The following RALYL variants were observed in gnomAD, a reference collection of about 807,000 sequenced individuals.
The protein encoded by RALYL is RNA-binding Raly-like protein.
In RALYL, 29 loss-of-function variants were observed where a neutral mutation model predicts 35.1. The observed-to-expected ratio is 0.83, with a 90% CI of 0.61 to 1.13. The LOEUF (loss-of-function observed/expected upper bound fraction) is 1.13. Ranked by LOEUF, RALYL falls within the 50% of genes most tolerant of loss-of-function variation. RALYL has a pLI of 0.00. For synonymous variants in RALYL, 120 were observed against 127.6 expected, an observed-to-expected ratio of 0.94 and a Z score of 0.40; for missense variants, 359 against 360.4, an observed-to-expected ratio of 1.00 and a Z score of 0.03.
rs1242172402 is a variant in RALYL, at chr8:84,619,677, A to T, written c.256+90100A>T. On this transcript the variant is annotated intron_variant, in intron 2 of 8. Transcript: ENST00000521268. ...ATTTTGCTCGTTAGTTGATGCAGTT[A>T]CTTCCTAGTCTCGATGGTCTTTACA... Among the ~76,000 whole-genome samples the T allele has an allele frequency of 1.7e-3, 261 of 149,318 alleles. 2 individuals carry two copies. Among genetic ancestry groups the T allele is most frequent in the Non-Finnish European group, 2.7e-3 (182 of 67,422 alleles).
chr8:84,358,946 G>T (rs147619183), intron 1 of RALYL, among the ~76,000 whole-genome samples: 2 of 151,920 alleles, frequency 1.3e-5, no homozygotes, highest in African/African-American at 4.8e-5. Context: ...AGTACTTTAC[G>T]CATTAGGTGA....
chr8:84,425,027 G>T (rs1360288104), intron 1 of RALYL, among the ~76,000 whole-genome samples: 1 of 152,160 alleles, frequency 6.6e-6, no homozygotes, highest in Non-Finnish European at 1.5e-5. Flanking sequence ...TGCCCCCAGA[G>T]GTGGAGCCTA....
At chr8:84,540,904 A>G (rs1227314623) in intron 2 of RALYL, among the ~76,000 whole-genome samples, 1 of 152,062 alleles carries the variant, frequency 6.6e-6, no homozygotes, top group African/African-American at 2.4e-5. Flanking sequence ...GTTTTCAAAA[A>G]AAAGTGTACA....
chr8:84,614,406 AG>A (rs1021593457), intron 2 of RALYL, among the ~76,000 whole-genome samples: 1 of 151,738 alleles, frequency 6.6e-6, no homozygotes, highest in Non-Finnish European at 1.5e-5. Flanking sequence ...AGAATCTAGA[AG>A]GACACATAAG....
intron 2 of RALYL, among the ~76,000 whole-genome samples, chr8:84,604,804 C>T (rs1449456012): frequency 2.0e-5 from 3 of 151,956 alleles, no homozygotes; most frequent in Non-Finnish European, 2.9e-5. Context: ...TTTTAGAAGA[C>T]GAAGAATGCT....
intron 1 of RALYL, among the ~76,000 whole-genome samples, chr8:84,209,685 G>A (rs12375329): frequency 0.23 from 35,049 of 152,046 alleles, 4,158 homozygotes; most frequent in Non-Finnish European, 0.27. Flanking sequence ...AAATCTATGT[G>A]TTAGAAGTCC....
At chr8:84,864,600 T>A in intron 6 of RALYL, 1 of 250,702 alleles carries the variant, frequency 4.0e-6, no homozygotes. Context: ...TCCTAAGGAT[T>A]AAATCTAAGC....
intron 2 of RALYL, among the ~76,000 whole-genome samples, chr8:84,552,807 A>T (rs1179839955): frequency 6.6e-6 from 1 of 152,002 alleles, no homozygotes; most frequent in Non-Finnish European, 1.5e-5. Flanking sequence ...CCAGCCTCAA[A>T]TTTAAAATAT....
intron 8 of RALYL, among the ~76,000 whole-genome samples, chr8:84,903,158 C>T (rs926272223): frequency 2.6e-5 from 4 of 152,188 alleles, no homozygotes; most frequent in African/African-American, 9.6e-5. Context: ...TCAAGACACT[C>T]TTTTGAGGAA....
chr8:84,862,215 A>C, intron 5 of RALYL, 81 bp from the exon 6 acceptor site: 1 of 1,171,562 alleles, frequency 8.5e-7, no homozygotes, highest in Non-Finnish European at 1.1e-6. Flanking sequence ...TTCTACCAGG[A>C]CATTCTGTTC....
At chr8:84,809,971 T>G (rs1174878670) in intron 4 of RALYL, among the ~76,000 whole-genome samples, 1 of 152,142 alleles carries the variant, frequency 6.6e-6, no homozygotes, top group Non-Finnish European at 1.5e-5. Flanking sequence ...TTTCTTTTTG[T>G]TTCAATTTCA....
intron 7 of RALYL, among the ~76,000 whole-genome samples, chr8:84,883,473 A>C (rs1842482814): frequency 6.6e-6 from 1 of 152,060 alleles, no homozygotes; most frequent in African/African-American, 2.4e-5. Flanking sequence ...AGTGAAAGGC[A>C]CATCTTATAT....
At chr8:84,389,916 T>A (rs1339880079) in intron 1 of RALYL, among the ~76,000 whole-genome samples, 1 of 151,564 alleles carries the variant, frequency 6.6e-6, no homozygotes, top group Non-Finnish European at 1.5e-5. Context: ...ATCCCTGTCT[T>A]GTGCCAGTTT....
intron 2 of RALYL, among the ~76,000 whole-genome samples, chr8:84,565,194 A>G (rs2061700073): frequency 6.6e-6 from 1 of 151,646 alleles, no homozygotes; most frequent in Non-Finnish European, 1.5e-5. Flanking sequence ...GTAGTTAATG[A>G]CAAAATAGAT....
At chr8:84,270,433 T>C (rs1834075031) in intron 1 of RALYL, among the ~76,000 whole-genome samples, 1 of 152,078 alleles carries the variant, frequency 6.6e-6, no homozygotes. Context: ...TCAAAGTAAT[T>C]ATTCAGGAAA....
chr8:84,198,749 T>G (rs1463294970), intron 1 of RALYL, among the ~76,000 whole-genome samples: 3 of 152,170 alleles, frequency 2.0e-5, no homozygotes, highest in Non-Finnish European at 4.4e-5. Context: ...TATGCAACAT[T>G]GATCTTTCTG....
intron 2 of RALYL, among the ~76,000 whole-genome samples, chr8:84,638,258 C>T (rs1287114144): frequency 6.6e-6 from 1 of 151,776 alleles, no homozygotes; most frequent in Non-Finnish European, 1.5e-5. Context: ...ATTCTTTGAA[C>T]TGAATGATAA....
At chr8:84,885,735 C>T (rs777074263) in intron 7 of RALYL, among the ~76,000 whole-genome samples, 13 of 151,998 alleles carry the variant, frequency 8.6e-5, no homozygotes, top group Non-Finnish European at 1.5e-4. Context: ...TTTGATCTAC[C>T]AGCTCTTTTT....
intron 1 of RALYL, among the ~76,000 whole-genome samples, chr8:84,257,810 T>C (rs920388740): frequency 2.0e-5 from 3 of 152,108 alleles, no homozygotes; most frequent in African/African-American, 7.2e-5. Context: ...TAGGCAAAAA[T>C]GTTTGCTACA....
Sources: allele counts gnomAD v4.1 joint callset (sites outside exome capture counted in the v4.1 genomes callset), GRCh38; gene constraint gnomAD v4.1.1; transcripts MANE v1.5; gene names NCBI Gene and HGNC (gene_info 2026-07-23, HGNC 2026-07-21).